ZNF385D: variants seen among roughly 807,000 people sequenced by gnomAD.
ZNF385D encodes the protein zinc finger protein 385D.
In ZNF385D, 15 loss-of-function variants were observed where a neutral mutation model predicts 35.8. The ratio of observed to expected loss-of-function variants is 0.42; its 90% CI spans 0.28 to 0.64. The LOEUF (loss-of-function observed/expected upper bound fraction) is 0.64, where lower values mean the gene tolerates loss of function less well. ZNF385D is among the 30% of genes least tolerant of loss of function. The pLI, the probability that ZNF385D is intolerant of heterozygous loss-of-function variation, is 0.23. For synonymous variants in ZNF385D, 212 were observed against 186.8 expected (o/e 1.13, Z -1.10); for missense variants, 474 against 494.6 (o/e 0.96, Z 0.39).
At chr3:22,248,017 T>C (rs185056531) in intron 2 of ZNF385D, among the ~76,000 whole-genome samples, 2 of 152,154 alleles carry the variant, frequency 1.3e-5, no homozygotes, top group African/African-American at 4.8e-5. Context: ...AAAATACATA[T>C]AATAGAGATT....
chr3:22,160,157 T>C (rs1446666475), intron 3 of ZNF385D, among the ~76,000 whole-genome samples: 1 of 152,222 alleles, frequency 6.6e-6, no homozygotes, highest in East Asian at 1.9e-4. Context: ...TGTGGAACTG[T>C]GAGTGAAATC....
chr3:21,958,879 A>G (rs1702430440), intron 3 of ZNF385D: 1 of 152,150 alleles, frequency 6.6e-6, no homozygotes, highest in Non-Finnish European at 1.5e-5. Context: ...CAAGAAAAAG[A>G]AATCATTGAA....
intron 2 of ZNF385D, chr3:21,579,775 A>ATCCCTAGCTGCTAGTGTTTTGCCG (rs60789309): frequency 6.6e-6 from 1 of 151,652 alleles, no homozygotes; most frequent in Admixed American, 6.6e-5. Context: ...CTTCCTTGCC[A>ATCCCTAGCTGCTAGTGTTTTGCCG]GCCGTCTCTG....
At chr3:22,123,962 C>CTCTCTCTCTCTATATA (rs1491571691) in intron 3 of ZNF385D, among the ~76,000 whole-genome samples, 2 of 61,848 alleles carry the variant, frequency 3.2e-5, no homozygotes, top group African/African-American at 1.2e-4. Context: ...CTCTCTCTCT[C>CTCTCTCTCTCTATATA]TATATATATA....
intron 2 of ZNF385D, among the ~76,000 whole-genome samples, chr3:22,215,255 G>A (rs2125269373): frequency 6.6e-6 from 1 of 152,110 alleles, no homozygotes; most frequent in East Asian, 1.9e-4. Flanking sequence ...AAAAAGAGCA[G>A]GATAACAGCA....
intron 3 of ZNF385D, among the ~76,000 whole-genome samples, chr3:22,018,951 T>C (rs954044389): frequency 6.6e-6 from 1 of 151,602 alleles, no homozygotes; most frequent in East Asian, 1.9e-4. Flanking sequence ...TTCCTACTCC[T>C]TTCCGTCTCT....
intron 2 of ZNF385D, among the ~76,000 whole-genome samples, chr3:21,652,013 C>A (rs1359757624): frequency 1.3e-5 from 2 of 152,088 alleles, no homozygotes; most frequent in African/African-American, 4.8e-5. Flanking sequence ...CAATCAGATT[C>A]CATTAGAATT....
chr3:21,803,042 A>G (rs1006037990), intron 3 of ZNF385D, among the ~76,000 whole-genome samples: 4 of 152,256 alleles, frequency 2.6e-5, no homozygotes, highest in African/African-American at 9.6e-5. Flanking sequence ...TTATGTTAAG[A>G]GTTTGTCTAA....
At position 22,084,578 on chromosome 3, in the gene ZNF385D, G is replaced by A. The variant is rs146355992; in HGVS notation, c.325+84239C>T. Reference sequence around the variant, plus strand: ...TACAGGAGCACCCAGATTCATAAAAGCAAGTCCCTAGCAACCTACAAAGAG... The same window carrying A: ...TACAGGAGCACCCAGATTCATAAAAACAAGTCCCTAGCAACCTACAAAGAG... On this transcript the variant is annotated intron_variant, in intron 3 of 5. Transcript: ENST00000494108. 9.1e-3 allele frequency among the ~76,000 whole-genome samples: 1,390 copies of A among 152,260 alleles called. 63 individuals carry two copies. Among genetic ancestry groups the A allele is most frequent in the Admixed American group, 0.078 (1,195 of 15,288 alleles).
chr3:21,618,364 CTAAGAAGAG>C (rs2064908188), intron 2 of ZNF385D, among the ~76,000 whole-genome samples: 1 of 152,266 alleles, frequency 6.6e-6, no homozygotes, highest in Admixed American at 6.5e-5. Context: ...CCAGCAGAAG[CTAAGAAGAG>C]GCAAAGAAGG....
At position 22,204,759 on chromosome 3, in the gene ZNF385D, T is replaced by A. The variant is rs181154624; in HGVS notation, c.107-35724A>T. Among the ~76,000 whole-genome samples the A allele has an allele frequency of 3.2e-4, 47 of 148,380 alleles. 1 individual carries two copies. The highest frequency in any genetic ancestry group is 2.3e-3 in the Admixed American group (34 of 14,954). On this transcript the variant is annotated intron_variant, in intron 2 of 5. Transcript: ENST00000494108. ...CATATATCATTCTTACCAGAATTGA[T>A]CATACAAAAGAGAGAATTAGTGAGC...
intron 5 of ZNF385D, among the ~76,000 whole-genome samples, chr3:21,429,601 T>C (rs1701196929): frequency 6.6e-6 from 1 of 152,128 alleles, no homozygotes; most frequent in Non-Finnish European, 1.5e-5. Context: ...AGAATATAAC[T>C]ATTTTTAAGT....
chr3:22,097,101 CCATCTT>C (rs71819590), intron 3 of ZNF385D, among the ~76,000 whole-genome samples: 19,150 of 152,064 alleles, frequency 0.13, 1,495 homozygotes, highest in Middle Eastern at 0.22. Flanking sequence ...AATGAATTGT[CCATCTT>C]CAGCTAAGCA....
chr3:21,966,797 G>C (rs1386569481), intron 3 of ZNF385D, among the ~76,000 whole-genome samples: 7 of 152,166 alleles, frequency 4.6e-5, no homozygotes, highest in Non-Finnish European at 8.8e-5. Flanking sequence ...GGCCAGGCTG[G>C]TCTCAAACTC....
chr3:22,307,737 C>T (rs1703309439), intron 2 of ZNF385D, among the ~76,000 whole-genome samples: 2 of 127,794 alleles, frequency 1.6e-5, no homozygotes. Flanking sequence ...GAATTTATTG[C>T]CTCTGTTTTA....
rs1700535348 is a variant in ZNF385D, at chr3:21,414,564, G to T, written c.*6650C>A. Reference sequence around the variant, plus strand: ...TTTGGAGCTATTTTGAGTAGCAAATGACTTGCTTTTACTAAATTCAGCTTT... The same window carrying T: ...TTTGGAGCTATTTTGAGTAGCAAATTACTTGCTTTTACTAAATTCAGCTTT... On this transcript the variant is annotated 3_prime_UTR_variant, in exon 8 of 8. Transcript: ENST00000281523. The T allele has an allele frequency of 6.6e-6, 1 of 152,088 alleles. No homozygotes were observed. The highest frequency in any genetic ancestry group is 2.1e-4 in the South Asian group (1 of 4,830). 9.4% of individuals were successfully genotyped at this position (152,088 alleles called of 1,614,324 possible). A position where few individuals can be genotyped will look rare whatever the true frequency, so the allele number is the denominator to read the frequency against.
At chr3:21,728,616 G>A (rs1442076724) in intron 1 of ZNF385D, among the ~76,000 whole-genome samples, 1 of 152,124 alleles carries the variant, frequency 6.6e-6, no homozygotes, top group Non-Finnish European at 1.5e-5. Flanking sequence ...CAAGGTTAGT[G>A]CAGTTAATTC....
chr3:22,129,930 T>C lies in ZNF385D; in HGVS notation c.325+38887A>G, dbSNP rs575771065. Among the ~76,000 whole-genome samples the C allele has an allele frequency of 2.0e-5, 3 of 152,264 alleles. No homozygotes were observed. In the South Asian group the frequency reaches 6.2e-4, roughly 32 times the overall value. On this transcript the variant is annotated intron_variant, in intron 3 of 5. Coordinates refer to the ZNF385D transcript ENST00000494108. ...AGCTGGGAGTGTCCTGGGTCACACC[T>C]GAAGCCAGCATAATATTGGGTCTTT...
rs549527257 is a variant in ZNF385D at position 21,923,916 on chromosome 3, A to G, written c.325+244901T>C. ...ATCACATAATGTGCCCATGTAACAAACCTGCACGTGTACCTCCTGAATTTA... is the reference window on the plus strand; with the variant it reads ...ATCACATAATGTGCCCATGTAACAAGCCTGCACGTGTACCTCCTGAATTTA... On this transcript the variant is annotated intron_variant, in intron 3 of 5. Transcript: ENST00000494108. Among the ~76,000 whole-genome samples the G allele has an allele frequency of 2.2e-3, 339 of 152,268 alleles. 2 individuals carry two copies. The highest frequency in any genetic ancestry group is 7.7e-3 in the African/African-American group (320 of 41,562).
Sources: gnomAD v4.1 joint callset for allele counts (sites outside exome capture counted in the v4.1 genomes callset) on GRCh38, gnomAD v4.1.1 for gene constraint, MANE v1.5 for transcripts, NCBI Gene and HGNC (gene_info 2026-07-23, HGNC 2026-07-21) for gene names.